The following MX1 variants were observed in gnomAD, a reference collection of about 807,000 sequenced individuals.
MX1 encodes the protein MX dynamin like GTPase 1.
Under a neutral mutation model 66.4 loss-of-function variants are expected in MX1, and 66 were observed. The ratio of observed to expected loss-of-function variants is 0.99; its 90% CI spans 0.82 to 1.22. The LOEUF (loss-of-function observed/expected upper bound fraction) is 1.22, where lower values mean the gene tolerates loss of function less well. Among genes scored for constraint, MX1 ranks in the 50% most tolerant of loss-of-function variants. MX1 has a pLI of 0.00. For missense variants in MX1, 787 were observed against 834.3 expected, an observed-to-expected ratio of 0.94 and a Z score of 0.70; for synonymous variants, 311 against 318.1, an observed-to-expected ratio of 0.98 and a Z score of 0.24.
intron 14 of MX1, 160 bp downstream of exon 14, chr21:41,449,455 A>G (rs1601529158): frequency 7.5e-6 from 5 of 664,848 alleles, no homozygotes; most frequent in Admixed American, 3.4e-5. Flanking sequence ...CAACAATTCA[A>G]TTCAATTCTG....
Position 41,441,658 on chromosome 21 carries a change from C to G in MX1, c.731-58C>G. 1.3e-6 allele frequency: 2 copies of G among 1,573,610 alleles called. No individual in the cohort carries two copies. Among genetic ancestry groups the G allele is most frequent in the Non-Finnish European group, 1.7e-6 (2 of 1,143,934 alleles). On this transcript the variant is annotated intron_variant, in intron 9 of 16. Coordinates refer to ENST00000398598, the MANE Select transcript of MX1 (RefSeq NM_002462.5). This position sits in a 1 kb window ranked among gnomAD's most constrained non-coding sequence, Gnocchi z 4.0. ...GAGGCCGGGGGCGTGAGCAGTTGTT[C>G]GTTCACCTCTGCCTCGTGACTGAGC...
intron 14 of MX1, chr21:41,450,966 C>T: frequency 2.7e-6 from 1 of 365,262 alleles, no homozygotes; most frequent in East Asian, 4.3e-5. Flanking sequence ...AAATGTATGC[C>T]AGGGGTCATT....
At chr21:41,445,242 G>C (rs2090627861) in intron 11 of MX1, among the ~76,000 whole-genome samples, 1 of 152,104 alleles carries the variant, frequency 6.6e-6, no homozygotes, top group East Asian at 1.9e-4. Context: ...TCGCAGGAGT[G>C]GGGAAGGGGG....
At chr21:41,445,760 G>A in intron 12 of MX1, 190 bp downstream of exon 12, 3 of 852,458 alleles carry the variant, frequency 3.5e-6, no homozygotes, top group Non-Finnish European at 5.3e-6. Flanking sequence ...GGAGTCAGCA[G>A]CGAGGGATGC....
intron 7 of MX1, 85 bp downstream of exon 7, chr21:41,437,237 G>T (rs964496259): frequency 3.2e-5 from 48 of 1,498,184 alleles, no homozygotes; most frequent in Non-Finnish European, 4.0e-5. Context: ...CCACCTCCCT[G>T]GGCCTGTGCT....
At chr21:41,439,310 A>G (rs1040663573) in intron 7 of MX1, among the ~76,000 whole-genome samples, 1 of 152,146 alleles carries the variant, frequency 6.6e-6, no homozygotes, top group African/African-American at 2.4e-5. Context: ...TTTCCAGTTT[A>G]TATTTTAGGC....
At chr21:41,449,701 G>T (rs2090770218) in intron 14 of MX1, 2 of 156,252 alleles carry the variant, frequency 1.3e-5, no homozygotes, top group Non-Finnish European at 2.8e-5. Context: ...AAATGAAGCT[G>T]TTGGAGAGGC....
At chr21:41,435,285 T>C (rs984922413) in intron 5 of MX1, among the ~76,000 whole-genome samples, 1 of 152,246 alleles carries the variant, frequency 6.6e-6, no homozygotes, top group African/African-American at 2.4e-5. Flanking sequence ...TTCTGGGATC[T>C]TTGGGTTTAT....
chr21:41,434,070 A>G lies in MX1; in HGVS notation c.106-1767A>G, dbSNP rs1431384158. ...AATGTGTAGGGTAGCCCCTGCAACA[A>G]ACAATCTTCTAACCCCAAATATGAA... On this transcript the variant is annotated intron_variant, in intron 5 of 16. Transcript: ENST00000398598. Among the ~76,000 whole-genome samples, 4 of 152,334 alleles carry G rather than the reference A, an allele frequency of 2.6e-5. No homozygotes were observed. In the South Asian group the frequency reaches 8.3e-4, roughly 32 times the overall value.
chr21:41,422,353 C>A (rs191354579), upstream of MX1, among the ~76,000 whole-genome samples: 1 of 152,170 alleles, frequency 6.6e-6, no homozygotes, highest in Non-Finnish European at 1.5e-5. Flanking sequence ...TAATCCACCC[C>A]GTGTTTAGCA....
rs369214304 is a variant in MX1 at position 41,440,875 on chromosome 21, A to G, written c.592-12A>G. ...CCATACTCACGAGTCACCTCCTCTC[A>G]TTTCCTTACAGATCAAGACACTCAT... On this transcript the variant is annotated splice_polypyrimidine_tract_variant and intron_variant, in intron 8 of 16. Transcript: ENST00000398598. 9 of 1,613,932 alleles carry G rather than the reference A, an allele frequency of 5.6e-6. No homozygotes were observed. In the African/African-American group the frequency reaches 1.2e-4, roughly 22 times the overall value.
At chr21:41,444,992 G>A (rs1010041527) in intron 11 of MX1, among the ~76,000 whole-genome samples, 13 of 152,308 alleles carry the variant, frequency 8.5e-5, no homozygotes, top group South Asian at 6.2e-4. Context: ...GGCGTCAACC[G>A]TATTGTTAAA....
At chr21:41,450,380 C>T (rs991648861) in intron 14 of MX1, among the ~76,000 whole-genome samples, 3 of 152,186 alleles carry the variant, frequency 2.0e-5, no homozygotes, top group African/African-American at 4.8e-5. Context: ...CTTACTCACA[C>T]TTCAGCTGCC....
At chr21:41,437,506 T>A (rs1338179112) in intron 7 of MX1, among the ~76,000 whole-genome samples, 1 of 151,224 alleles carries the variant, frequency 6.6e-6, no homozygotes, top group East Asian at 1.9e-4. Flanking sequence ...CTGGGCAGGG[T>A]GGCATGCACC....
At position 41,441,192 on chromosome 21, in the gene MX1, G is replaced by C; in HGVS notation, c.730+167G>C. On this transcript the variant is annotated intron_variant, in intron 9 of 16. Transcript: ENST00000398598. This position sits in a 1 kb window ranked among gnomAD's most constrained non-coding sequence, Gnocchi z 4.0. ...CTCGGTGGTCTGCCAGTGGGCAAGCGTCCCTCCAGTCTCCATGGGCTTTGC... is the reference window on the plus strand; with the variant it reads ...CTCGGTGGTCTGCCAGTGGGCAAGCCTCCCTCCAGTCTCCATGGGCTTTGC... 1 of 961,656 alleles carries C rather than the reference G, an allele frequency of 1.0e-6. No homozygotes were observed. The highest frequency in any genetic ancestry group is 1.5e-6 in the Non-Finnish European group (1 of 678,542). The allele number at this position is 961,656 out of a possible 1,614,324, so 59.6% of individuals were successfully genotyped here. A position where few individuals can be genotyped will look rare whatever the true frequency, so the allele number is the denominator to read the frequency against.
In MX1 at chr21:41,435,974, G is replaced by A. The variant is rs368931163; in HGVS notation, c.243G>A (p.Ser81=). 7.0e-5 allele frequency: 113 copies of A among 1,614,070 alleles called. No homozygotes were observed. The highest frequency in any genetic ancestry group is 1.1e-4 in the South Asian group (10 of 91,086). The change falls in exon 6 of 17, where the codon TCG becomes TCA. Residue 81 remains serine, a synonymous_variant. Transcript: ENST00000398598. The part of the protein sequence containing the change: ...PAIAVIGDQS[S]GKSSVLEALS... ...TCGCCGTCATCGGGGACCAGAGCTC[G>A]GGCAAGAGCTCCGTGTTGGAGGCAC...
At chr21:41,446,166 G>A (rs1452545173) in intron 13 of MX1, 25 bp downstream of exon 13, 20 of 1,602,546 alleles carry the variant, frequency 1.2e-5, no homozygotes, top group Non-Finnish European at 1.7e-5. Flanking sequence ...CCCTTCTTTT[G>A]GGCTGCTACA....
At chr21:41,458,054 A>G (rs2090998314) in intron 16 of MX1, among the ~76,000 whole-genome samples, 1 of 152,070 alleles carries the variant, frequency 6.6e-6, no homozygotes, top group Admixed American at 6.6e-5. Context: ...CCCAGCCTGG[A>G]GTACAATGGC....
chr21:41,447,758 C>T (rs1366390166), intron 13 of MX1, among the ~76,000 whole-genome samples: 1 of 151,902 alleles, frequency 6.6e-6, no homozygotes, highest in Non-Finnish European at 1.5e-5. Flanking sequence ...TCTTTGGAGA[C>T]AGGGTCTCAC....
Sources: gnomAD v4.1 joint callset for allele counts (sites outside exome capture counted in the v4.1 genomes callset) on GRCh38, gnomAD v4.1.1 for gene constraint, Gnocchi (gnomAD v3.1) non-coding constraint, MANE v1.5 for transcripts, NCBI Gene and HGNC (gene_info 2026-07-23, HGNC 2026-07-21) for gene names.